The following L3MBTL4 variants were observed in gnomAD, a reference collection of about 807,000 sequenced individuals.
The protein encoded by L3MBTL4 is L3MBTL histone methyl-lysine binding protein 4, also known as lethal(3)malignant brain tumor-like protein 4.
Under a neutral mutation model 84.5 loss-of-function variants are expected in L3MBTL4, and 70 were observed. The ratio of observed to expected loss-of-function variants is 0.83; its 90% CI spans 0.68 to 1.01. L3MBTL4 has a LOEUF of 1.01. L3MBTL4 is among the 50% of genes least tolerant of loss of function. L3MBTL4 has a pLI of 0.00. For synonymous variants in L3MBTL4, 274 were observed against 259.8 expected, an observed-to-expected ratio of 1.05 and a Z score of -0.52; for missense variants, 715 against 754.8, an observed-to-expected ratio of 0.95 and a Z score of 0.62.
intron 1 of L3MBTL4, among the ~76,000 whole-genome samples, chr18:6,316,528 G>T (rs933087233): frequency 6.6e-6 from 1 of 152,196 alleles, no homozygotes. Flanking sequence ...AAACACAGCT[G>T]GGGCTTCTCC....
rs2144879371 is a variant in L3MBTL4 at position 5,974,414 on chromosome 18, C to T, written c.1445-4852G>A. ...TCTCCAAAGAAAAGTCATTGCTTGC[C>T]CTTCCTATAGAGGCAATAAACACAC... On this transcript the variant is annotated intron_variant, in intron 16 of 18. Coordinates refer to ENST00000317931, the MANE Select transcript of L3MBTL4 (RefSeq NM_001330559.2). Among the ~76,000 whole-genome samples the T allele has an allele frequency of 1.8e-5, 2 of 113,656 alleles. 1 individual carries two copies. The highest frequency in any genetic ancestry group is 6.0e-4 in the South Asian group (2 of 3,316). 74.6% of individuals were successfully genotyped at this position (113,656 alleles called of 152,430 possible). A position where few individuals can be genotyped will look rare whatever the true frequency, so the allele number is the denominator to read the frequency against.
At chr18:6,085,838 C>T (rs1463438349) in intron 15 of L3MBTL4, among the ~76,000 whole-genome samples, 5 of 152,112 alleles carry the variant, frequency 3.3e-5, no homozygotes, top group Non-Finnish European at 7.4e-5. Flanking sequence ...ACATGAACAT[C>T]AAAAAGGTAC....
At position 5,969,430 on chromosome 18, in the gene L3MBTL4, A is replaced by G. The variant is rs2052523531; in HGVS notation, c.1577T>C (p.Ile526Thr). ...CCAACGTGCCACTTGGCTGGCCCGG[A>G]TGTCAGCCACGCCTGGAAGCAACTT... ...HCKLLPGVADIRASQVARWTV... is the reference protein window; with the variant it reads ...HCKLLPGVADTRASQVARWTV... Residue 526 changes from isoleucine to threonine, a missense_variant, in exon 17 of 19, where the codon ATC becomes ACC. Coordinates refer to ENST00000317931, the MANE Select transcript of L3MBTL4 (RefSeq NM_001330559.2). 6.2e-7 allele frequency: 1 copy of G among 1,613,586 alleles called. No individual in the cohort carries two copies. Among genetic ancestry groups the G allele is most frequent in the Non-Finnish European group, 8.5e-7 (1 of 1,180,010 alleles).
intron 13 of L3MBTL4, among the ~76,000 whole-genome samples, chr18:6,164,574 T>C (rs2043544152): frequency 6.6e-6 from 1 of 152,238 alleles, no homozygotes; most frequent in South Asian, 2.1e-4. Context: ...AAACAGGGTC[T>C]GGAGTGGACC....
At chr18:6,218,583 G>A (rs1260418668) in intron 10 of L3MBTL4, among the ~76,000 whole-genome samples, 1 of 152,164 alleles carries the variant, frequency 6.6e-6, no homozygotes, top group African/African-American at 2.4e-5. Flanking sequence ...TCCCCTTTTT[G>A]TGAAAAACAG....
At chr18:6,216,213 A>AT (rs1461309043) in intron 10 of L3MBTL4, among the ~76,000 whole-genome samples, 1 of 151,168 alleles carries the variant, frequency 6.6e-6, no homozygotes, top group Non-Finnish European at 1.5e-5. Context: ...CATACCATGA[A>AT]TTGGAAAAAA....
chr18:6,133,895 G>C (rs142653177), intron 14 of L3MBTL4, among the ~76,000 whole-genome samples: 1 of 152,248 alleles, frequency 6.6e-6, no homozygotes, highest in African/African-American at 2.4e-5. Context: ...CCTTCCTCTA[G>C]GAACATTCAA....
chr18:6,014,248 C>T (rs916462133), intron 16 of L3MBTL4, among the ~76,000 whole-genome samples: 2 of 152,144 alleles, frequency 1.3e-5, no homozygotes, highest in Admixed American at 6.6e-5. Context: ...ACTTCTCTAC[C>T]GTCTCTTAAA....
At chr18:6,001,142 C>A (rs1363379351) in intron 16 of L3MBTL4, among the ~76,000 whole-genome samples, 1 of 152,212 alleles carries the variant, frequency 6.6e-6, no homozygotes, top group Non-Finnish European at 1.5e-5. Context: ...GTACCTTGTC[C>A]TCCAAATATT....
chr18:6,072,059 C>G (rs1184355209), intron 16 of L3MBTL4, among the ~76,000 whole-genome samples: 1 of 151,962 alleles, frequency 6.6e-6, no homozygotes, highest in Non-Finnish European at 1.5e-5. Context: ...AGGTAAGAAG[C>G]AATTGGAGAA....
chr18:6,399,404 T>C (rs2055418789), intron 1 of L3MBTL4, among the ~76,000 whole-genome samples: 1 of 151,424 alleles, frequency 6.6e-6, no homozygotes, highest in Admixed American at 6.6e-5. Context: ...ACCACTGCAC[T>C]CCAGCATAGG....
intron 16 of L3MBTL4, among the ~76,000 whole-genome samples, chr18:6,007,012 A>T (rs1449211446): frequency 6.6e-6 from 1 of 152,210 alleles, no homozygotes; most frequent in Admixed American, 6.5e-5. Flanking sequence ...AATATAGCAG[A>T]ATTCTATCAT....
intron 1 of L3MBTL4, among the ~76,000 whole-genome samples, chr18:6,345,895 G>T (rs2052874237): frequency 6.6e-6 from 1 of 151,798 alleles, no homozygotes; most frequent in Admixed American, 6.6e-5. Context: ...AACAAAACTA[G>T]AGGCATCACA....
intron 16 of L3MBTL4, among the ~76,000 whole-genome samples, chr18:5,975,594 G>A (rs568141897): frequency 1.3e-5 from 2 of 152,214 alleles, no homozygotes; most frequent in African/African-American, 2.4e-5. Flanking sequence ...CGTACTGAAC[G>A]TGCTTGAAGC....
intron 16 of L3MBTL4, chr18:6,031,581 CAT>C: frequency 1.1e-6 from 1 of 943,176 alleles, no homozygotes; most frequent in Non-Finnish European, 1.3e-6. Context: ...GGCTCATTCA[CAT>C]GTTTGTTGGA....
intron 16 of L3MBTL4, among the ~76,000 whole-genome samples, chr18:6,020,611 C>T (rs1383976159): frequency 6.6e-6 from 1 of 152,168 alleles, no homozygotes; most frequent in Non-Finnish European, 1.5e-5. Context: ...GTGAGGGAGA[C>T]TCTTCGGGCC....
chr18:6,171,716 C>T (rs2043979559), intron 13 of L3MBTL4, 112 bp downstream of exon 13: 9 of 570,770 alleles, frequency 1.6e-5, no homozygotes, highest in Middle Eastern at 2.7e-4. Context: ...GTGATTAATT[C>T]GCCTATGTGA....
chr18:6,280,570 T>C (rs2049279494), intron 4 of L3MBTL4, among the ~76,000 whole-genome samples: 2 of 152,196 alleles, frequency 1.3e-5, no homozygotes. Context: ...TTCAAATGTG[T>C]GATAGGTAGG....
At chr18:5,982,255 T>A (rs2053266156) in intron 16 of L3MBTL4, among the ~76,000 whole-genome samples, 1 of 152,132 alleles carries the variant, frequency 6.6e-6, no homozygotes, top group South Asian at 2.1e-4. Flanking sequence ...CCCTGCACTT[T>A]GGCCCAGCTC....
Sources: gnomAD v4.1 joint callset for allele counts (sites outside exome capture counted in the v4.1 genomes callset) on GRCh38, gnomAD v4.1.1 for gene constraint, MANE v1.5 for transcripts, NCBI Gene and HGNC (gene_info 2026-07-23, HGNC 2026-07-21) for gene names.